Variants in TPTE2 observed in about 807,000 individuals in gnomAD.
TPTE2 encodes the protein transmembrane phosphoinositide 3-phosphatase and tensin homolog 2.
Under a neutral mutation model 78.6 loss-of-function variants are expected in TPTE2, and 53 were observed. The ratio of observed to expected loss-of-function variants is 0.67; its 90% confidence interval spans 0.54 to 0.85. TPTE2 has a LOEUF of 0.85. TPTE2 is among the 40% of genes least tolerant of loss of function. The pLI, the probability that TPTE2 is intolerant of heterozygous loss-of-function variation, is 0.00. For synonymous variants in TPTE2, 175 were observed against 206.2 expected (o/e 0.85, Z 1.30); for missense variants, 461 against 623.0 (o/e 0.74, Z 2.77).
chr13:19,520,201 T>A (rs1423105101), intron 1 of TPTE2, among the ~76,000 whole-genome samples: 1 of 152,062 alleles, frequency 6.6e-6, no homozygotes, highest in East Asian at 1.9e-4. Context: ...GAGTTTCACT[T>A]TTTCCATTCC....
At chr13:19,520,440 T>TTTG (rs1169474604) in intron 1 of TPTE2, among the ~76,000 whole-genome samples, 4 of 152,074 alleles carry the variant, frequency 2.6e-5, no homozygotes, top group South Asian at 2.1e-4. Context: ...GTTTAGGTTT[T>TTTG]TTGTTGTTGT....
chr13:19,497,459 G>A (rs1381538333), intron 1 of TPTE2, among the ~76,000 whole-genome samples: 13 of 111,170 alleles, frequency 1.2e-4, no homozygotes, highest in East Asian at 5.3e-4. Flanking sequence ...ATCTGAGAAC[G>A]GGCAGACTGC....
the TPTE2 span, chr13:19,560,831 C>T: frequency 1.3e-6 from 2 of 1,538,944 alleles, no homozygotes; most frequent in African/African-American, 1.4e-5. Flanking sequence ...GGTCCAGGCG[C>T]GCTCCCGCAG....
chr13:19,520,560 T>C (rs1870088551), intron 1 of TPTE2, among the ~76,000 whole-genome samples: 1 of 151,898 alleles, frequency 6.6e-6, no homozygotes, highest in South Asian at 2.1e-4. Context: ...TAACTTTTGG[T>C]TTTGTTTATT....
chr13:19,531,421 CTT>C (rs547741109), intron 1 of TPTE2, among the ~76,000 whole-genome samples: 1 of 145,446 alleles, frequency 6.9e-6, no homozygotes, highest in Non-Finnish European at 1.5e-5. Context: ...GTCATTTATC[CTT>C]TTTTTTTTGG....
chr13:19,423,105 T>C (rs549666067), exon 20 of TPTE2: 1 of 1,612,454 alleles, frequency 6.2e-7, no homozygotes, highest in Non-Finnish European at 8.5e-7. Context: ...TTCTGGTGGA[T>C]AAATTTTCCA....
intron 1 of TPTE2, among the ~76,000 whole-genome samples, chr13:19,525,018 T>A (rs1006758400): frequency 6.6e-6 from 1 of 152,142 alleles, no homozygotes; most frequent in East Asian, 1.9e-4. Flanking sequence ...GGAAGTCTCA[T>A]GATAATTTTG....
intron 1 of TPTE2, among the ~76,000 whole-genome samples, chr13:19,510,509 G>A (rs1390086667): frequency 2.0e-5 from 3 of 151,920 alleles, no homozygotes; most frequent in African/African-American, 7.3e-5. Context: ...CACTCCCAGG[G>A]AGGGAATTAA....
chr13:19,497,436 C>T (rs1178004908), intron 1 of TPTE2, among the ~76,000 whole-genome samples: 19 of 122,664 alleles, frequency 1.5e-4, no homozygotes, highest in East Asian at 1.2e-3. Flanking sequence ...GTTCTCCCAG[C>T]ACGCAGCTGG....
intron 10 of TPTE2, among the ~76,000 whole-genome samples, chr13:19,455,995 C>A (rs111546170): frequency 6.6e-6 from 1 of 151,986 alleles, no homozygotes; most frequent in African/African-American, 2.4e-5. Context: ...AAGGTTGCCT[C>A]CTCTTACCAT....
chr13:19,506,158 A>ATATTTT (rs1566069858), upstream of TPTE2, among the ~76,000 whole-genome samples: 1 of 23,556 alleles, frequency 4.2e-5, no homozygotes, highest in Non-Finnish European at 9.8e-5. Flanking sequence ...GTGTATATAA[A>ATATTTT]TCTTTTTTTT....
chr13:19,463,906 G>T (rs1384787907), intron 10 of TPTE2, among the ~76,000 whole-genome samples: 1 of 152,176 alleles, frequency 6.6e-6, no homozygotes, highest in East Asian at 1.9e-4. Flanking sequence ...GCTAGCTGTG[G>T]GGTATTGCCA....
chr13:19,540,311 G>GTATTTTT (rs1566083225), upstream of TPTE2, among the ~76,000 whole-genome samples: 1 of 47,254 alleles, frequency 2.1e-5, no homozygotes, highest in Non-Finnish European at 6.2e-5. Flanking sequence ...TATTATTATG[G>GTATTTTT]TTTTTTTTAA....
chr13:19,490,046 A>G (rs1256245340), intron 3 of TPTE2, among the ~76,000 whole-genome samples: 2 of 152,206 alleles, frequency 1.3e-5, no homozygotes, highest in Admixed American at 1.3e-4. Flanking sequence ...GGAATCTACT[A>G]TTAATATATC....
the TPTE2 span, among the ~76,000 whole-genome samples, chr13:19,552,996 T>A: frequency 6.6e-6 from 1 of 151,384 alleles, no homozygotes; most frequent in Admixed American, 6.6e-5. Context: ...TTTTTATGAA[T>A]GTGAATGTTT....
rs913978367 is a variant in TPTE2, at chr13:19,486,410, G to A, written c.120-3863C>T. Among the ~76,000 whole-genome samples the A allele has an allele frequency of 3.9e-5, 6 of 152,134 alleles. No homozygotes were observed. ...TAGGGGTGTGTGCAGGCATACACTGGGTCAGAAAACTTGGAGTATGGCCTT... is the reference window on the plus strand; with the variant it reads ...TAGGGGTGTGTGCAGGCATACACTGAGTCAGAAAACTTGGAGTATGGCCTT... On this transcript the variant is annotated intron_variant, in intron 3 of 19. Coordinates refer to ENST00000400230, the Ensembl canonical transcript of TPTE2. This position sits in a 1 kb window ranked among gnomAD's most constrained non-coding sequence, Gnocchi z 4.3.
the TPTE2 span, among the ~76,000 whole-genome samples, chr13:19,547,091 A>AG: frequency 3.9e-5 from 6 of 151,904 alleles, no homozygotes; most frequent in Non-Finnish European, 8.8e-5. Context: ...AGTTACCAAA[A>AG]AAAAAAAAAG....
chr13:19,551,468 T>G, the TPTE2 span, among the ~76,000 whole-genome samples: 1 of 152,014 alleles, frequency 6.6e-6, no homozygotes, highest in Admixed American at 6.6e-5. Flanking sequence ...CACACGCCTG[T>G]GATCCCAGCT....
intron 1 of TPTE2, among the ~76,000 whole-genome samples, chr13:19,526,635 G>C (rs1870517913): frequency 6.6e-6 from 1 of 152,096 alleles, no homozygotes; most frequent in South Asian, 2.1e-4. Flanking sequence ...TCACCTGAGT[G>C]ACAAAACAAT....
Sources: allele counts gnomAD v4.1 joint callset (sites outside exome capture counted in the v4.1 genomes callset), GRCh38; gene constraint gnomAD v4.1.1; non-coding constraint Gnocchi (gnomAD v3.1); transcripts MANE v1.5; gene names NCBI Gene and HGNC (gene_info 2026-07-23, HGNC 2026-07-21).